The following CRISP1 variants were observed in gnomAD, a reference collection of about 807,000 sequenced individuals.
CRISP1 encodes cysteine-rich secretory protein 1.
A neutral mutation model predicts 33.1 loss-of-function variants in CRISP1; 44 were observed. The ratio of observed to expected loss-of-function variants is 1.33; its 90% CI spans 1.05 to 1.71. CRISP1 has a LOEUF of 1.71. CRISP1 is among the 40% of genes most tolerant of loss of function. CRISP1 has a pLI of 0.00. For synonymous variants in CRISP1, 103 were observed against 98.7 expected (o/e 1.04, Z -0.26); for missense variants, 390 against 301.2 (o/e 1.29, Z -2.18).
chr6:49,838,012 A>G lies in CRISP1; in HGVS notation c.622+425T>C, dbSNP rs12204918. On this transcript the variant is annotated intron_variant, in intron 7 of 7. Coordinates refer to ENST00000335847, the MANE Select transcript of CRISP1 (RefSeq NM_001131.3). Reference sequence around the variant, plus strand: ...CACTCAGTAAAAATTGCATGCCACAATAAGTGGTCAGGCAACCTGGGTAGG... The same window carrying G: ...CACTCAGTAAAAATTGCATGCCACAGTAAGTGGTCAGGCAACCTGGGTAGG... Among the ~76,000 whole-genome samples, 365 of 152,294 alleles carry G rather than the reference A, an allele frequency of 2.4e-3. 2 individuals carry two copies. The highest frequency in any genetic ancestry group is 4.1e-3 in the Non-Finnish European group (280 of 68,020).
Position 49,845,707 on chromosome 6 carries a change from C to CAAAAAAAA in CRISP1, c.435+805_435+812dup, listed in dbSNP as rs111269611. 4.1e-4 allele frequency among the ~76,000 whole-genome samples: 60 copies of CAAAAAAAA among 145,410 alleles called. 1 individual carries two copies. The highest frequency in any genetic ancestry group is 6.5e-4 in the Non-Finnish European group (43 of 66,008). ...TTAAAGCAGTATTATTCACAATAGC[C>CAAAAAAAA]AAAAAAAAAAATGGAAACAACTCAA... On this transcript the variant is annotated intron_variant, in intron 5 of 7. Coordinates refer to ENST00000335847, the MANE Select transcript of CRISP1 (RefSeq NM_001131.3).
intron 1 of CRISP1, among the ~76,000 whole-genome samples, chr6:49,858,290 T>C (rs552141219): frequency 5.3e-5 from 8 of 152,314 alleles, no homozygotes; most frequent in Middle Eastern, 3.4e-3. Context: ...TTAATAAGTA[T>C]AGATTATTGA....
intron 2 of CRISP1, among the ~76,000 whole-genome samples, chr6:49,852,582 C>A (rs1481148074): frequency 2.6e-5 from 4 of 152,090 alleles, no homozygotes; most frequent in Non-Finnish European, 1.5e-5. Context: ...TCTGGGGTAA[C>A]CCAAACTAAG....
chr6:49,875,325 G>A (rs1190988371), intron 1 of CRISP1, among the ~76,000 whole-genome samples: 1 of 151,730 alleles, frequency 6.6e-6, no homozygotes, highest in Non-Finnish European at 1.5e-5. Context: ...TTGCTTCCTA[G>A]GAATATAGCT....
chr6:49,843,487 G>A (rs1414917286), intron 5 of CRISP1, among the ~76,000 whole-genome samples: 1 of 152,160 alleles, frequency 6.6e-6, no homozygotes, highest in African/African-American at 2.4e-5. Flanking sequence ...CATAGTGAAA[G>A]GAAGCAGTCT....
chr6:49,848,168 T>G (rs960652379), intron 4 of CRISP1, 41 bp downstream of exon 4: 3 of 1,152,408 alleles, frequency 2.6e-6, no homozygotes, highest in Admixed American at 2.3e-5. Context: ...CTATTTTTTT[T>G]TTTTTTAGTC....
In CRISP1 at chr6:49,838,421, A is replaced by G; in HGVS notation, c.622+16T>C. 6.3e-7 allele frequency: 1 copy of G among 1,593,200 alleles called. No homozygotes were observed. Among genetic ancestry groups the G allele is most frequent in the Non-Finnish European group, 8.6e-7 (1 of 1,164,146 alleles). On this transcript the variant is annotated intron_variant, in intron 7 of 7. Transcript: ENST00000335847. ...AATGGGTTAACTGTAAACAAACAGA[A>G]TGCAAACAAACTTACTGCAAAGTTT...
At chr6:49,852,233 C>T (rs1335850539) in intron 2 of CRISP1, 104 bp from the exon 3 acceptor site, 1 of 1,031,632 alleles carries the variant, frequency 9.7e-7, no homozygotes, top group African/African-American at 1.6e-5. Flanking sequence ...TTATATTAAA[C>T]AGTGATTTAT....
At chr6:49,838,950 T>C (rs1260513009) in intron 6 of CRISP1, among the ~76,000 whole-genome samples, 1 of 152,202 alleles carries the variant, frequency 6.6e-6, no homozygotes, top group African/African-American at 2.4e-5. Flanking sequence ...AAATCTCAAG[T>C]GAGGCAAGTT....
intron 1 of CRISP1, among the ~76,000 whole-genome samples, chr6:49,857,713 T>C (rs901802788): frequency 6.6e-6 from 1 of 152,156 alleles, no homozygotes; most frequent in African/African-American, 2.4e-5. Flanking sequence ...AACATTAAAG[T>C]AGGGAGATTA....
chr6:49,838,519 A>T lies in CRISP1; in HGVS notation c.540T>A (p.Asn180Lys), dbSNP rs754820072. 4.3e-6 allele frequency: 7 copies of T among 1,611,124 alleles called. No homozygotes were observed. The highest frequency in any genetic ancestry group is 5.9e-6 in the Non-Finnish European group (7 of 1,178,742). ...AAGGTTCATTCTTTGTTTCAGGATC[A>T]TTTCCCCTTGAATAAAAAAAAGTGA... The part of the protein sequence containing the change: ...LYVCHYCHEG[N>K]DPETKNEPYK... The change falls in exon 7 of 8, where the codon AAT (asparagine) becomes AAA (lysine). Residue 180 changes from asparagine to lysine, a missense_variant. By Grantham distance (94) the Asn-to-Lys change is moderately conservative. Transcript: ENST00000335847.
chr6:49,836,267 C>T (rs1000217778), intron 7 of CRISP1, among the ~76,000 whole-genome samples: 1 of 151,918 alleles, frequency 6.6e-6, no homozygotes, highest in Non-Finnish European at 1.5e-5. Context: ...TATCTCTTAT[C>T]CTTCAATTAT....
chr6:49,846,372 CT>C, intron 5 of CRISP1, 147 bp downstream of exon 5: 1 of 796,852 alleles, frequency 1.3e-6, no homozygotes, highest in East Asian at 2.7e-5. Flanking sequence ...AGAACACTTC[CT>C]TCTATTTCAA....
At chr6:49,876,366 C>A (rs1395362060) in intron 1 of CRISP1, among the ~76,000 whole-genome samples, 1 of 151,726 alleles carries the variant, frequency 6.6e-6, no homozygotes, top group East Asian at 1.9e-4. Context: ...AGAATGGCTA[C>A]TATTAAAAGT....
intron 1 of CRISP1, among the ~76,000 whole-genome samples, chr6:49,865,519 T>C (rs1771778790): frequency 6.6e-6 from 1 of 152,212 alleles, no homozygotes; most frequent in African/African-American, 2.4e-5. Context: ...TCTCTCATTA[T>C]AGTCAATTTG....
intron 2 of CRISP1, among the ~76,000 whole-genome samples, chr6:49,853,559 C>T (rs1771412191): frequency 6.6e-6 from 1 of 152,122 alleles, no homozygotes; most frequent in African/African-American, 2.4e-5. Flanking sequence ...TCATGATCAT[C>T]CCAAAACACC....
At chr6:49,860,093 C>T (rs916565285) in intron 1 of CRISP1, among the ~76,000 whole-genome samples, 1 of 151,988 alleles carries the variant, frequency 6.6e-6, no homozygotes, top group African/African-American at 2.4e-5. Context: ...AATGTATGCA[C>T]CCAACAATGG....
intron 7 of CRISP1, 82 bp downstream of exon 7, chr6:49,838,355 T>C (rs201442423): frequency 9.7e-7 from 1 of 1,033,506 alleles, no homozygotes; most frequent in Non-Finnish European, 1.5e-6. Context: ...AAGTGCGATG[T>C]TTTTTAATGC....
intron 5 of CRISP1, among the ~76,000 whole-genome samples, chr6:49,845,898 T>C (rs917658394): frequency 1.3e-5 from 2 of 152,134 alleles, no homozygotes; most frequent in African/African-American, 2.4e-5. Flanking sequence ...ACAAATATTG[T>C]ATGTTTCCAA....
Sources: allele counts gnomAD v4.1 joint callset (sites outside exome capture counted in the v4.1 genomes callset), GRCh38; gene constraint gnomAD v4.1.1; transcripts MANE v1.5; gene names NCBI Gene and HGNC (gene_info 2026-07-23, HGNC 2026-07-21).